The following CSMD1 variants were observed in gnomAD, a reference collection of about 807,000 sequenced individuals.
The protein encoded by CSMD1 is CUB and sushi domain-containing protein 1.
Under a neutral mutation model 417.5 loss-of-function variants are expected in CSMD1, and 213 were observed. The observed-to-expected ratio is 0.51, with a 90% CI of 0.46 to 0.57. The LOEUF is 0.57. Ranked by LOEUF, CSMD1 falls within the 20% of genes least tolerant of loss-of-function variation. The pLI is 0.00. For synonymous variants in CSMD1, 2,862 were observed against 1,736.8 expected (o/e 1.65, Z -16.11); for missense variants, 6,923 against 4,529.7 (o/e 1.53, Z -15.17).
intron 3 of CSMD1, among the ~76,000 whole-genome samples, chr8:4,395,294 T>C (rs929467494): frequency 6.6e-6 from 1 of 152,246 alleles, no homozygotes; most frequent in Non-Finnish European, 1.5e-5. Context: ...GGGCTTTTGC[T>C]AATTCTTCAT....
intron 2 of CSMD1, among the ~76,000 whole-genome samples, chr8:4,485,998 C>G (rs905195928): frequency 6.6e-6 from 1 of 151,612 alleles, no homozygotes; most frequent in African/African-American, 2.4e-5. Flanking sequence ...GTGAATCCCT[C>G]CTTATGTAAT....
intron 11 of CSMD1, among the ~76,000 whole-genome samples, chr8:3,478,740 C>T (rs73499638): frequency 0.045 from 6,845 of 152,232 alleles, 275 homozygotes; most frequent in East Asian, 0.19. Context: ...ATGTAAGAGC[C>T]ACACCAACAA....
intron 1 of CSMD1, among the ~76,000 whole-genome samples, chr8:4,900,197 T>C (rs531090321): frequency 6.6e-6 from 1 of 152,168 alleles, no homozygotes; most frequent in Non-Finnish European, 1.5e-5. Flanking sequence ...GACAGGGGTA[T>C]GAAGACACGG....
intron 6 of CSMD1, among the ~76,000 whole-genome samples, chr8:3,729,732 G>C (rs1016725236): frequency 6.6e-6 from 1 of 151,970 alleles, no homozygotes; most frequent in Non-Finnish European, 1.5e-5. Flanking sequence ...CCAAAGCTCA[G>C]AGGATTTTAA....
chr8:2,990,850 G>C (rs1336515463), intron 54 of CSMD1, among the ~76,000 whole-genome samples: 1 of 152,226 alleles, frequency 6.6e-6, no homozygotes, highest in East Asian at 1.9e-4. Flanking sequence ...AAATGAGATA[G>C]TTTGAAACTT....
intron 40 of CSMD1, 43 bp from the exon 41 acceptor site, chr8:3,142,717 T>C: frequency 2.0e-6 from 3 of 1,482,232 alleles, no homozygotes; most frequent in Middle Eastern, 1.9e-4. Context: ...CATATCAAAA[T>C]GTATAAAATC....
chr8:4,135,657 G>A (rs192617127), intron 3 of CSMD1, among the ~76,000 whole-genome samples: 1 of 151,980 alleles, frequency 6.6e-6, no homozygotes, highest in Admixed American at 6.6e-5. Context: ...ATATGAAGAA[G>A]AAACCAAAAT....
At chr8:3,507,140 A>C (rs1377369327) in intron 10 of CSMD1, among the ~76,000 whole-genome samples, 1 of 152,224 alleles carries the variant, frequency 6.6e-6, no homozygotes, top group African/African-American at 2.4e-5. Flanking sequence ...CAGAATTTAC[A>C]TAGTGGAAAA....
At chr8:4,293,477 A>G (rs1797488954) in intron 3 of CSMD1, among the ~76,000 whole-genome samples, 1 of 152,224 alleles carries the variant, frequency 6.6e-6, no homozygotes, top group South Asian at 2.1e-4. Context: ...TTATTTATAT[A>G]TCTAGCTCAG....
At chr8:3,444,344 A>C (rs1189909293) in intron 12 of CSMD1, among the ~76,000 whole-genome samples, 2 of 152,218 alleles carry the variant, frequency 1.3e-5, no homozygotes, top group Admixed American at 6.5e-5. Flanking sequence ...AGGCAAAATT[A>C]GCACAATTTT....
intron 5 of CSMD1, among the ~76,000 whole-genome samples, chr8:3,863,310 T>G (rs1804847071): frequency 1.3e-5 from 2 of 150,158 alleles, no homozygotes; most frequent in African/African-American, 2.5e-5. Flanking sequence ...GGCAGGAGAA[T>G]CGCTTGAACC....
At chr8:3,744,636 C>G (rs772413902) in intron 6 of CSMD1, among the ~76,000 whole-genome samples, 5 of 152,178 alleles carry the variant, frequency 3.3e-5, no homozygotes, top group Non-Finnish European at 7.3e-5. Context: ...TGTAATGCTT[C>G]AAGTTCCAAA....
Position 3,087,129 on chromosome 8 carries a change from T to A in CSMD1, c.7442A>T (p.Tyr2481Phe). 6.2e-7 allele frequency: 1 copy of A among 1,613,626 alleles called. No homozygotes were observed. The highest frequency in any genetic ancestry group is 2.2e-5 in the East Asian group (1 of 44,872). ...GAGTGGCGTGAGGGAGTCCCACTGG[T>A]ACATGCCAAGTGGGTTTCGTCTACA... ...ATCRRNPLGM[Y>F]QWDSLTPLCQ... Residue 2481 changes from tyrosine to phenylalanine, a missense_variant, in exon 49 of 70, where the codon TAC (tyrosine) becomes TTC (phenylalanine). Coordinates refer to ENST00000635120, the MANE Select transcript of CSMD1 (RefSeq NM_033225.6).
chr8:4,152,209 A>T (rs1176524462), intron 3 of CSMD1, among the ~76,000 whole-genome samples: 3 of 152,190 alleles, frequency 2.0e-5, no homozygotes, highest in Non-Finnish European at 4.4e-5. Flanking sequence ...AGAAGAAGGA[A>T]CACCATACAC....
chr8:3,523,363 G>A (rs554277668), intron 10 of CSMD1, among the ~76,000 whole-genome samples: 76 of 152,278 alleles, frequency 5.0e-4, no homozygotes, highest in African/African-American at 1.3e-3. Flanking sequence ...CTGAGATTAC[G>A]TGAGATGGAA....
At chr8:4,979,092 T>A (rs1810729058) in intron 1 of CSMD1, among the ~76,000 whole-genome samples, 1 of 152,220 alleles carries the variant, frequency 6.6e-6, no homozygotes, top group South Asian at 2.1e-4. Flanking sequence ...TGGTGTTAAA[T>A]GATGTTAAAA....
At chr8:4,787,278 T>C (rs761371689) in intron 1 of CSMD1, 18 of 633,362 alleles carry the variant, frequency 2.8e-5, no homozygotes, top group South Asian at 3.4e-5. Flanking sequence ...CCCTCTTTTC[T>C]AGAGCTCTGC....
At chr8:3,064,295 A>G (rs1259233869) in intron 49 of CSMD1, among the ~76,000 whole-genome samples, 1 of 152,186 alleles carries the variant, frequency 6.6e-6, no homozygotes, top group Non-Finnish European at 1.5e-5. Flanking sequence ...TGACTGGATC[A>G]TGAAGGCAGC....
intron 2 of CSMD1, among the ~76,000 whole-genome samples, chr8:4,542,313 T>G (rs1222978691): frequency 6.6e-6 from 1 of 152,134 alleles, no homozygotes; most frequent in Non-Finnish European, 1.5e-5. Flanking sequence ...TAATATAAAT[T>G]GTCGTTCTCC....
Sources: allele counts gnomAD v4.1 joint callset (sites outside exome capture counted in the v4.1 genomes callset), GRCh38; gene constraint gnomAD v4.1.1; transcripts MANE v1.5; gene names NCBI Gene and HGNC (gene_info 2026-07-23, HGNC 2026-07-21).